The following ZBBX variants were observed in gnomAD, a reference collection of about 807,000 sequenced individuals.
ZBBX encodes zinc finger B-box domain containing, also known as zinc finger B-box domain-containing protein 1.
ZBBX carries 101 observed loss-of-function variants against 108.5 expected under a neutral mutation model. The ratio of observed to expected loss-of-function variants is 0.93; its 90% CI spans 0.79 to 1.10. The LOEUF is 1.10. Ranked by LOEUF, ZBBX falls within the 50% of genes least tolerant of loss-of-function variation. ZBBX has a pLI of 0.00. For missense variants in ZBBX, 1,009 were observed against 941.4 expected, an observed-to-expected ratio of 1.07 and a Z score of -0.94; for synonymous variants, 356 against 323.4, an observed-to-expected ratio of 1.10 and a Z score of -1.08.
In ZBBX at chr3:167,365,885, C is replaced by T; in HGVS notation, c.273+1G>A. On this transcript the variant is annotated splice_donor_variant, in intron 6 of 21. Transcript: ENST00000675490. LOFTEE classifies it high-confidence loss of function. Reference sequence around the variant, plus strand: ...ATAAGAATCAAATAGTATCTTCTTACCTTAACAACATTTCCTTTATTTTGT... The same window carrying T: ...ATAAGAATCAAATAGTATCTTCTTATCTTAACAACATTTCCTTTATTTTGT... 1 of 1,600,804 alleles carries T rather than the reference C, an allele frequency of 6.2e-7. No homozygotes were observed. Among genetic ancestry groups the T allele is most frequent in the Non-Finnish European group, 8.5e-7 (1 of 1,171,022 alleles).
intron 1 of ZBBX, among the ~76,000 whole-genome samples, chr3:167,392,108 A>C (rs544013759): frequency 2.1e-4 from 32 of 151,930 alleles, no homozygotes; most frequent in African/African-American, 7.5e-4. Flanking sequence ...CCACTAAGGA[A>C]TAATTTTTCT....
Position 167,333,807 on chromosome 3 carries a change from C to T in ZBBX, c.687+20G>A, listed in dbSNP as rs769699310. 4.5e-6 allele frequency: 7 copies of T among 1,565,014 alleles called. No homozygotes were observed. The highest frequency in any genetic ancestry group is 6.0e-6 in the Non-Finnish European group (7 of 1,159,010). Reference sequence around the variant, plus strand: ...AGTTACATATGTCAGAAAATGTCTACTATATTTTCCTCAGTTTACCTCAGA... The same window carrying T: ...AGTTACATATGTCAGAAAATGTCTATTATATTTTCCTCAGTTTACCTCAGA... On this transcript the variant is annotated intron_variant, in intron 10 of 21. Coordinates refer to ENST00000675490, the MANE Select transcript of ZBBX (RefSeq NM_001199201.2).
chr3:167,190,213 CAT>C, the ZBBX span, among the ~76,000 whole-genome samples: 1 of 151,886 alleles, frequency 6.6e-6, no homozygotes, highest in Admixed American at 6.6e-5. Flanking sequence ...TCTTCAGAAT[CAT>C]AAAAAAAGTT....
intron 20 of ZBBX, among the ~76,000 whole-genome samples, chr3:167,263,554 G>A (rs925198526): frequency 2.0e-5 from 3 of 152,078 alleles, no homozygotes; most frequent in Admixed American, 6.6e-5. Flanking sequence ...CTGATTTATA[G>A]TTTTATTTCA....
chr3:167,207,963 G>T, the ZBBX span, among the ~76,000 whole-genome samples: 684 of 152,206 alleles, frequency 4.5e-3, 2 homozygotes, highest in African/African-American at 0.016. Context: ...CTCTACCATC[G>T]TCAAAAGTGG....
intron 1 of ZBBX, among the ~76,000 whole-genome samples, chr3:167,396,086 A>G (rs1308586397): frequency 1.3e-5 from 2 of 151,974 alleles, no homozygotes; most frequent in African/African-American, 2.4e-5. Flanking sequence ...ATTTCTCCTT[A>G]CTAGTGCTCA....
intron 1 of ZBBX, among the ~76,000 whole-genome samples, chr3:167,407,604 C>A (rs1487279644): frequency 6.6e-6 from 1 of 151,948 alleles, no homozygotes; most frequent in African/African-American, 2.4e-5. Context: ...ACACTGTATT[C>A]TTACCCACAA....
At chr3:167,388,426 T>C (rs145685768) in intron 1 of ZBBX, among the ~76,000 whole-genome samples, 14 of 151,926 alleles carry the variant, frequency 9.2e-5, no homozygotes, top group Non-Finnish European at 1.6e-4. Context: ...TATATTTTTA[T>C]AAGATAACAT....
At chr3:167,215,251 A>C in the ZBBX span, among the ~76,000 whole-genome samples, 5 of 149,118 alleles carry the variant, frequency 3.4e-5, no homozygotes, top group African/African-American at 7.8e-5. Context: ...TTAAAAATAA[A>C]AGAGAGAAGA....
In ZBBX at chr3:167,255,102, G is replaced by A. The variant is rs58875440; in HGVS notation, c.2255-12459C>T. Among the ~76,000 whole-genome samples the A allele has an allele frequency of 6.1e-3, 931 of 151,926 alleles. 6 individuals carry two copies. The highest frequency in any genetic ancestry group is 0.022 in the African/African-American group (903 of 41,466). On this transcript the variant is annotated intron_variant, in intron 20 of 21. Coordinates refer to ENST00000675490, the MANE Select transcript of ZBBX (RefSeq NM_001199201.2). Reference sequence around the variant, plus strand: ...TATTCTCAAATATAAAGAAAACTCAGGTAATAAAACTTCTATAAATTCTAC... The same window carrying A: ...TATTCTCAAATATAAAGAAAACTCAAGTAATAAAACTTCTATAAATTCTAC...
At chr3:167,218,937 G>T in the ZBBX span, among the ~76,000 whole-genome samples, 1 of 151,804 alleles carries the variant, frequency 6.6e-6, no homozygotes, top group African/African-American at 2.4e-5. Flanking sequence ...TATGGAGAAA[G>T]ATATTACATA....
intron 20 of ZBBX, among the ~76,000 whole-genome samples, chr3:167,252,608 A>G (rs1381862869): frequency 6.8e-6 from 1 of 146,628 alleles, no homozygotes; most frequent in Non-Finnish European, 1.5e-5. Flanking sequence ...AAAAAAATCC[A>G]TGTCTGCGTT....
chr3:167,249,853 T>C (rs1486373146), intron 20 of ZBBX, among the ~76,000 whole-genome samples: 2 of 152,086 alleles, frequency 1.3e-5, no homozygotes, highest in Non-Finnish European at 2.9e-5. Context: ...AGAGAAGCAA[T>C]ACCAGTAAAT....
At chr3:167,234,696 C>T in the ZBBX span, among the ~76,000 whole-genome samples, 1 of 151,748 alleles carries the variant, frequency 6.6e-6, no homozygotes, top group Admixed American at 6.6e-5. Flanking sequence ...ATAAAGATAA[C>T]AGTAGAGACT....
In ZBBX at chr3:167,329,496, A is replaced by G. The variant is rs1442131039; in HGVS notation, c.688-1380T>C. ...ACACCATGCTAACCGTTGGCCACAG[A>G]AACACAGGTTAATAAGTCCACAACA... On this transcript the variant is annotated intron_variant, in intron 10 of 21. Transcript: ENST00000675490. Among the ~76,000 whole-genome samples, 3 of 152,208 alleles carry G rather than the reference A, an allele frequency of 2.0e-5. No homozygotes were observed. In the East Asian group the frequency reaches 5.8e-4, roughly 29 times the overall value.
the ZBBX span, among the ~76,000 whole-genome samples, chr3:167,226,631 A>T: frequency 2.0e-5 from 3 of 151,800 alleles, no homozygotes; most frequent in African/African-American, 7.2e-5. Flanking sequence ...AATCTTGGCC[A>T]TGAATGTTAT....
the ZBBX span, among the ~76,000 whole-genome samples, chr3:167,178,959 A>G: frequency 6.6e-6 from 1 of 152,172 alleles, no homozygotes; most frequent in African/African-American, 2.4e-5. Flanking sequence ...TGAGAATTAT[A>G]TGGGATATCA....
intron 20 of ZBBX, among the ~76,000 whole-genome samples, chr3:167,248,448 C>CA (rs1270613386): frequency 2.0e-5 from 3 of 146,998 alleles, no homozygotes; most frequent in Non-Finnish European, 3.0e-5. Context: ...TTTCTTTTTT[C>CA]TTTTTTTTTT....
At chr3:167,399,654 T>C (rs1748356335) in intron 1 of ZBBX, 1 of 152,134 alleles carries the variant, frequency 6.6e-6, no homozygotes, top group South Asian at 2.1e-4. Context: ...AGAGAAAATA[T>C]GGTATACTCA....
Sources: allele counts gnomAD v4.1 joint callset (sites outside exome capture counted in the v4.1 genomes callset), GRCh38; gene constraint gnomAD v4.1.1; transcripts MANE v1.5; gene names NCBI Gene and HGNC (gene_info 2026-07-23, HGNC 2026-07-21).